Variants in EQTN observed in about 807,000 individuals in gnomAD.
EQTN encodes the protein equatorin.
In EQTN, 29 loss-of-function variants were observed where a neutral mutation model predicts 26.9. The ratio of observed to expected loss-of-function variants is 1.08; its 90% CI spans 0.80 to 1.47. The LOEUF (loss-of-function observed/expected upper bound fraction) is 1.47. Ranked by LOEUF, EQTN falls within the 40% of genes most tolerant of loss-of-function variation. The pLI, the probability that EQTN is intolerant of heterozygous loss-of-function variation, is 0.00. For synonymous variants in EQTN, 129 were observed against 120.0 expected, an observed-to-expected ratio of 1.07 and a Z score of -0.49; for missense variants, 391 against 346.1, an observed-to-expected ratio of 1.13 and a Z score of -1.03.
At chr9:27,286,667 GGGTTACCAGAT>G (rs1216740789) in intron 6 of EQTN, among the ~76,000 whole-genome samples, 1 of 152,138 alleles carries the variant, frequency 6.6e-6, no homozygotes, top group Non-Finnish European at 1.5e-5. Context: ...TTGCAAATCC[GGGTTACCAGAT>G]GTCAAAATGC....
chr9:27,289,841 C>G, intron 5 of EQTN, 110 bp from the exon 6 acceptor site: 1 of 708,782 alleles, frequency 1.4e-6, no homozygotes, highest in Non-Finnish European at 2.2e-6. Context: ...ACAGTCTGTT[C>G]TCATTATTCG....
intron 6 of EQTN, 90 bp downstream of exon 6, chr9:27,289,582 T>C (rs1162000498): frequency 9.2e-7 from 1 of 1,084,328 alleles, no homozygotes; most frequent in Non-Finnish European, 1.3e-6. Flanking sequence ...ACTCCTGGAC[T>C]CAAGCGATCC....
At chr9:27,294,989 C>T (rs1820307724) in intron 2 of EQTN, among the ~76,000 whole-genome samples, 2 of 152,176 alleles carry the variant, frequency 1.3e-5, no homozygotes. Flanking sequence ...ACTGGACATG[C>T]ACATGTGTCT....
At chr9:27,287,393 GC>G (rs779519794) in intron 6 of EQTN, among the ~76,000 whole-genome samples, 83 of 152,232 alleles carry the variant, frequency 5.5e-4, no homozygotes, top group East Asian at 1.9e-3. Context: ...CTCCTGAATT[GC>G]TTTTCTGTCT....
chr9:27,295,557 G>A (rs1330322600), intron 2 of EQTN, among the ~76,000 whole-genome samples: 1 of 151,922 alleles, frequency 6.6e-6, no homozygotes, highest in Admixed American at 6.6e-5. Flanking sequence ...ACATAGGCCG[G>A]GTGCAGTGGC....
chr9:27,286,431 A>G (rs1006479731), intron 6 of EQTN, 69 bp from the exon 7 acceptor site: 93 of 1,468,332 alleles, frequency 6.3e-5, no homozygotes, highest in Non-Finnish European at 8.3e-5. Context: ...TAAAGATTGC[A>G]AAGCAAATAC....
At chr9:27,296,892 G>A (rs1015006693) in intron 1 of EQTN, 88 bp downstream of exon 1, 18 of 1,565,378 alleles carry the variant, frequency 1.1e-5, no homozygotes, top group African/African-American at 2.8e-5. Context: ...ATATCCTCCT[G>A]TAGAAAACTG....
chr9:27,286,764 AAGGGACC>A (rs1015371708), intron 6 of EQTN, among the ~76,000 whole-genome samples: 32 of 152,254 alleles, frequency 2.1e-4, no homozygotes, highest in Admixed American at 2.0e-3. Flanking sequence ...ACTTACACAC[AAGGGACC>A]AGTCTTTCAG....
Position 27,295,140 on chromosome 9 carries a change from C to T in EQTN, c.203-738G>A, listed in dbSNP as rs932696899. On this transcript the variant is annotated intron_variant, in intron 2 of 7. Transcript: ENST00000380032. The stretch of plus-strand genomic sequence containing the variant: ...CCAGTGTGTATATGAGAAGAATGTA[C>T]ATGGGAAAAACTGCACATAGACTAA... Among the ~76,000 whole-genome samples the T allele has an allele frequency of 7.2e-5, 11 of 152,172 alleles. No individual in the cohort carries two copies. In the East Asian group the frequency reaches 2.1e-3, roughly 29 times the overall value.
In EQTN at chr9:27,296,721, G is replaced by A; in HGVS notation, c.94C>T (p.Pro32Ser). ...TGCTTATTAACATCTTCATTTAAAGGTAGCACATTAGGCAATGCTAAAAAA... is the reference window on the plus strand; with the variant it reads ...TGCTTATTAACATCTTCATTTAAAGATAGCACATTAGGCAATGCTAAAAAA... ...PTIEALPNVL[P>S]LNEDVNKQEE... is the part of the protein sequence containing the mutation. Residue 32 changes from proline to serine, a missense_variant, in exon 2 of 8, where the codon CCT becomes TCT. Pro to Ser is a moderately conservative substitution (Grantham distance 74). Transcript: ENST00000380032. The A allele has an allele frequency of 6.2e-7, 1 of 1,609,424 alleles. No individual in the cohort carries two copies. The highest frequency in any genetic ancestry group is 1.7e-4 in the Middle Eastern group (1 of 6,030).
intron 6 of EQTN, 68 bp downstream of exon 6, chr9:27,289,603 GC>G: frequency 7.5e-7 from 1 of 1,338,346 alleles, no homozygotes; most frequent in Non-Finnish European, 1.0e-6. Flanking sequence ...ACCTGCCTCA[GC>G]CTCCCAAAGT....
chr9:27,289,781 T>G, intron 5 of EQTN, 50 bp from the exon 6 acceptor site: 1 of 1,487,360 alleles, frequency 6.7e-7, no homozygotes, highest in Non-Finnish European at 9.3e-7. Flanking sequence ...TTACTAAAAT[T>G]ATTGCCTGTG....
intron 6 of EQTN, among the ~76,000 whole-genome samples, chr9:27,288,228 T>C (rs774912650): frequency 2.6e-5 from 4 of 152,198 alleles, no homozygotes; most frequent in Non-Finnish European, 2.9e-5. Flanking sequence ...GAGGTTTTTT[T>C]TGGGGAAATT....
chr9:27,288,849 A>G (rs1820171376), intron 6 of EQTN, among the ~76,000 whole-genome samples: 1 of 152,188 alleles, frequency 6.6e-6, no homozygotes, highest in Non-Finnish European at 1.5e-5. Context: ...TCAGGGGTTC[A>G]GGAGGAGAGA....
intron 6 of EQTN, among the ~76,000 whole-genome samples, chr9:27,287,710 G>C (rs1053201613): frequency 6.6e-6 from 1 of 152,134 alleles, no homozygotes; most frequent in Admixed American, 6.5e-5. Context: ...TATTAAATAG[G>C]AGAAATGACA....
At chr9:27,287,670 A>C (rs1820148651) in intron 6 of EQTN, among the ~76,000 whole-genome samples, 1 of 152,252 alleles carries the variant, frequency 6.6e-6, no homozygotes, top group Admixed American at 6.5e-5. Context: ...TAAACAATAA[A>C]ATCAGTCAAG....
At chr9:27,287,789 T>C (rs1001859208) in intron 6 of EQTN, among the ~76,000 whole-genome samples, 17 of 152,172 alleles carry the variant, frequency 1.1e-4, no homozygotes, top group Non-Finnish European at 2.4e-4. Flanking sequence ...GAAGGATCAC[T>C]CAATTTTCTT....
At chr9:27,289,473 C>T (rs906499891) in intron 6 of EQTN, among the ~76,000 whole-genome samples, 199 bp downstream of exon 6, 2 of 152,172 alleles carry the variant, frequency 1.3e-5, no homozygotes, top group Non-Finnish European at 2.9e-5. Context: ...CTCACTCTGT[C>T]GCTCAGGCTG....
chr9:27,289,848 T>C (rs1412894589), intron 5 of EQTN, 117 bp from the exon 6 acceptor site: 1 of 649,084 alleles, frequency 1.5e-6, no homozygotes, highest in Non-Finnish European at 2.5e-6. Flanking sequence ...GTTCTCATTA[T>C]TCGTGGCAGT....
Sources: gnomAD v4.1 joint callset for allele counts (sites outside exome capture counted in the v4.1 genomes callset) on GRCh38, gnomAD v4.1.1 for gene constraint, MANE v1.5 for transcripts, NCBI Gene and HGNC (gene_info 2026-07-23, HGNC 2026-07-21) for gene names.